WAPL: variants seen among roughly 807,000 people sequenced by gnomAD.
The protein encoded by WAPL is WAPL cohesin release factor, also known as wings apart-like protein homolog.
WAPL carries 5 observed loss-of-function variants against 121.0 expected under a neutral mutation model. The ratio of observed to expected loss-of-function variants is 0.04; its 90% CI spans 0.02 to 0.09. The LOEUF (loss-of-function observed/expected upper bound fraction) is 0.09, where lower values mean the gene tolerates loss of function less well. Ranked by LOEUF, WAPL falls within the 10% of genes least tolerant of loss-of-function variation. The pLI is 1.00. For missense variants in WAPL, 999 were observed against 1,410.8 expected, an observed-to-expected ratio of 0.71 and a Z score of 4.68; for synonymous variants, 480 against 481.5, an observed-to-expected ratio of 1.00 and a Z score of 0.04.
At chr10:86,483,801 T>TC (rs1841860348) in intron 4 of WAPL, among the ~76,000 whole-genome samples, 1 of 135,828 alleles carries the variant, frequency 7.4e-6, no homozygotes, top group Non-Finnish European at 1.6e-5. Context: ...TTTCTTTTTT[T>TC]TTTTTTTTTT....
intron 13 of WAPL, 30 bp downstream of exon 13, chr10:86,453,626 C>T (rs1841055956): frequency 2.2e-5 from 35 of 1,578,180 alleles, no homozygotes; most frequent in Non-Finnish European, 3.0e-5. Context: ...ATACATCTTT[C>T]AATGAGAAAA....
rs1022214284 is a variant in WAPL at position 86,460,316 on chromosome 10, T to A, written c.2580+83A>T. The A allele has an allele frequency of 3.6e-6, 4 of 1,102,166 alleles. No individual in the cohort carries two copies. The African/African-American group carries it at 6.2e-5, about 17-fold the overall frequency. The allele number at this position is 1,102,166 out of a possible 1,614,324, so 68.3% of individuals were successfully genotyped here. A position where few individuals can be genotyped will look rare whatever the true frequency, so the allele number is the denominator to read the frequency against. ...ACAGAAGTGAACCTCCAGGGGTATA[T>A]AAAATATTTGGCAGTCTCTCTCTTA... On this transcript the variant is annotated intron_variant, in intron 11 of 18. Coordinates refer to ENST00000298767, the MANE Select transcript of WAPL (RefSeq NM_015045.5).
rs571985055 is a variant in WAPL, at chr10:86,440,790, G to T, written c.3411+2485C>A. On this transcript the variant is annotated intron_variant, in intron 17 of 18. Transcript: ENST00000298767. The stretch of plus-strand genomic sequence containing the variant: ...GTACCCAGAGGGGCCACACAGAGTG[G>T]GCTGTTGTATTTAGGTTAGTTAAAA... 2.6e-5 allele frequency among the ~76,000 whole-genome samples: 4 copies of T among 151,834 alleles called. No homozygotes were observed. The South Asian group carries it at 8.3e-4, about 32-fold the overall frequency.
intron 4 of WAPL, among the ~76,000 whole-genome samples, chr10:86,474,929 T>A (rs137966844): frequency 6.6e-6 from 1 of 152,142 alleles, no homozygotes; most frequent in Non-Finnish European, 1.5e-5. Flanking sequence ...TCAAATTTTA[T>A]CAAGGTAAAT....
chr10:86,470,447 T>C (rs1010908369), intron 8 of WAPL, among the ~76,000 whole-genome samples: 2 of 152,264 alleles, frequency 1.3e-5, no homozygotes, highest in Non-Finnish European at 2.9e-5. Flanking sequence ...TAATTAGCAA[T>C]GATGGTTACT....
intron 9 of WAPL, among the ~76,000 whole-genome samples, chr10:86,463,438 T>C (rs1244751929): frequency 6.6e-6 from 1 of 152,264 alleles, no homozygotes; most frequent in Non-Finnish European, 1.5e-5. Context: ...GACAGTCATA[T>C]TGATAATCTT....
chr10:86,447,231 A>G (rs1479020818), intron 15 of WAPL, among the ~76,000 whole-genome samples: 1 of 152,230 alleles, frequency 6.6e-6, no homozygotes, highest in African/African-American at 2.4e-5. Context: ...TTTCTAATTC[A>G]GTAAATATAG....
Position 86,500,382 on chromosome 10 carries a change from A to T in WAPL, c.861T>A (p.Val287=). 1 of 1,614,204 alleles carries T rather than the reference A, an allele frequency of 6.2e-7. No homozygotes were observed. ...ACGTCCTACAGTTGGTTGGCCTAAG[A>T]ACACTTTGTACAATATCTTCCTCAA... is the stretch of plus-strand genomic sequence containing the variant. ...EAIEEDIVQS[V]LRPTNCRTYC... Residue 287 remains valine, a synonymous_variant, in exon 3 of 19, where the codon GTT becomes GTA. Transcript: ENST00000298767.
At chr10:86,460,102 G>A (rs948844146) in intron 11 of WAPL, among the ~76,000 whole-genome samples, 4 of 152,146 alleles carry the variant, frequency 2.6e-5, no homozygotes, top group African/African-American at 9.7e-5. Flanking sequence ...GACAGAGTGA[G>A]ACTCTGGCTC....
chr10:86,515,769 G>A (rs564593481), intron 2 of WAPL, among the ~76,000 whole-genome samples: 41 of 151,244 alleles, frequency 2.7e-4, no homozygotes, highest in Middle Eastern at 3.5e-3. Flanking sequence ...GCAACACAGC[G>A]AGACTGTGTC....
At position 86,507,260 on chromosome 10, in the gene WAPL, C is replaced by T. The variant is rs546202285; in HGVS notation, c.500-6517G>A. Among the ~76,000 whole-genome samples the T allele has an allele frequency of 8.6e-5, 12 of 140,240 alleles. No homozygotes were observed. The South Asian group carries it at 2.6e-3, about 30-fold the overall frequency. 92.0% of individuals were successfully genotyped at this position (140,240 alleles called of 152,430 possible). A position where few individuals can be genotyped will look rare whatever the true frequency, so the allele number is the denominator to read the frequency against. On this transcript the variant is annotated intron_variant, in intron 2 of 18. Transcript: ENST00000298767. ...ACAGGCGCCTATAATCCCAGCTACTCGGGAGGATGAGGCAGGAGAATCGCT... is the reference window on the plus strand; with the variant it reads ...ACAGGCGCCTATAATCCCAGCTACTTGGGAGGATGAGGCAGGAGAATCGCT...
chr10:86,509,106 T>G (rs1279664140), intron 2 of WAPL, among the ~76,000 whole-genome samples: 1 of 152,192 alleles, frequency 6.6e-6, no homozygotes, highest in Admixed American at 6.6e-5. Context: ...CTTTAATGAC[T>G]TCAACTAATC....
At chr10:86,477,365 T>G (rs990311391) in intron 4 of WAPL, among the ~76,000 whole-genome samples, 1 of 152,228 alleles carries the variant, frequency 6.6e-6, no homozygotes, top group African/African-American at 2.4e-5. Context: ...ACAATATATG[T>G]AAAAGTATCA....
rs569133630 is a variant in WAPL at position 86,491,004 on chromosome 10, A to T, written c.1644+6197T>A. Among the ~76,000 whole-genome samples the T allele has an allele frequency of 4.0e-5, 6 of 151,752 alleles. No individual in the cohort carries two copies. The East Asian group carries it at 1.2e-3, about 30-fold the overall frequency. On this transcript the variant is annotated intron_variant, in intron 4 of 18. Transcript: ENST00000298767. Reference sequence around the variant, plus strand: ...CTTGAACCCAGGAGGCGGAGGTTGCAGTGAGCCGAGATCATGCCACCGCAC... The same window carrying T: ...CTTGAACCCAGGAGGCGGAGGTTGCTGTGAGCCGAGATCATGCCACCGCAC...
At chr10:86,474,783 G>A (rs565947032) in intron 4 of WAPL, among the ~76,000 whole-genome samples, 1 of 152,226 alleles carries the variant, frequency 6.6e-6, no homozygotes, top group Admixed American at 6.5e-5. Context: ...GGGTTCTTTG[G>A]CAAAACTTTA....
intron 9 of WAPL, among the ~76,000 whole-genome samples, chr10:86,465,859 C>T (rs1218548196): frequency 6.6e-6 from 1 of 152,046 alleles, no homozygotes; most frequent in African/African-American, 2.4e-5. Flanking sequence ...GAACAGTAGA[C>T]AATAATAAAT....
chr10:86,505,300 C>CTTTTTTTTTTTTTTTTTTTTT lies in WAPL; in HGVS notation c.500-4578_500-4558dup, dbSNP rs531404303. 5.4e-4 allele frequency among the ~76,000 whole-genome samples: 24 copies of CTTTTTTTTTTTTTTTTTTTTT among 44,644 alleles called. 4 individuals are homozygous for CTTTTTTTTTTTTTTTTTTTTT. The highest frequency in any genetic ancestry group is 5.8e-4 in the East Asian group (1 of 1,726). 29.3% of individuals were successfully genotyped at this position (44,644 alleles called of 152,430 possible). Reference sequence around the variant, plus strand: ...CAAGCTTCAGCCACAGTGCCCAACTCTTTTTTTTTTTTTTTTTTTTTTTTT... The same window carrying CTTTTTTTTTTTTTTTTTTTTT: ...CAAGCTTCAGCCACAGTGCCCAACTCTTTTTTTTTTTTTTTTTTTTTTTTTTTTTTTTTTTTTTTTTTTTTT... On this transcript the variant is annotated intron_variant, in intron 2 of 18. Transcript: ENST00000298767.
At chr10:86,452,599 A>T (rs145522890) in intron 14 of WAPL, among the ~76,000 whole-genome samples, 4,510 of 152,134 alleles carry the variant, frequency 0.03, 248 homozygotes, top group African/African-American at 0.1. Context: ...CCATCTCAAA[A>T]ACAAACAAAA....
At chr10:86,441,473 A>T (rs1849469516) in intron 17 of WAPL, among the ~76,000 whole-genome samples, 1 of 152,076 alleles carries the variant, frequency 6.6e-6, no homozygotes, top group Non-Finnish European at 1.5e-5. Flanking sequence ...CCAAGATGAG[A>T]AGTCTACCTG....
Sources: gnomAD v4.1 joint callset for allele counts (sites outside exome capture counted in the v4.1 genomes callset) on GRCh38, gnomAD v4.1.1 for gene constraint, MANE v1.5 for transcripts, NCBI Gene and HGNC (gene_info 2026-07-23, HGNC 2026-07-21) for gene names.